Variants in ERVMER34-1 observed in about 807,000 individuals in gnomAD.
The protein encoded by ERVMER34-1 is endogenous retrovirus group MER34 member 1, envelope.
For synonymous variants in ERVMER34-1, 199 were observed against 111.7 expected, an observed-to-expected ratio of 1.78 and a Z score of -4.93; for missense variants, 471 against 295.1, an observed-to-expected ratio of 1.60 and a Z score of -4.37.
intron 2 of ERVMER34-1, among the ~76,000 whole-genome samples, chr4:52,749,881 T>C (rs7690219): frequency 0.14 from 21,917 of 152,042 alleles, 1,656 homozygotes; most frequent in East Asian, 0.2. Flanking sequence ...TGTACACTGG[T>C]GAAAGAGAAA....
At chr4:52,749,573 A>G (rs186908655) in intron 2 of ERVMER34-1, among the ~76,000 whole-genome samples, 2 of 152,176 alleles carry the variant, frequency 1.3e-5, no homozygotes, top group East Asian at 3.9e-4. Context: ...AGGCCGAGGT[A>G]GGGCAGATCA....
chr4:52,746,889 C>T (rs901006096), intron 2 of ERVMER34-1, among the ~76,000 whole-genome samples: 2 of 152,082 alleles, frequency 1.3e-5, no homozygotes, highest in Non-Finnish European at 2.9e-5. Flanking sequence ...ATGTAAATAC[C>T]TTAAAATTTT....
In ERVMER34-1 at chr4:52,751,404, G is replaced by T. The variant is rs914036920; in HGVS notation, c.-625C>A. Reference sequence around the variant, plus strand: ...CGCCAGGCCAGAAGACCAAGAAGAAGGCTCGCGGCGGGAACTGAAGTGAGC... The same window carrying T: ...CGCCAGGCCAGAAGACCAAGAAGAATGCTCGCGGCGGGAACTGAAGTGAGC... On this transcript the variant is annotated 5_prime_UTR_variant, in exon 1 of 3. Coordinates refer to ENST00000443173, the MANE Select transcript of ERVMER34-1 (RefSeq NM_001242690.2). The T allele has an allele frequency of 1.3e-5, 2 of 152,422 alleles. No individual in the cohort carries two copies. Among genetic ancestry groups the T allele is most frequent in the Non-Finnish European group, 2.9e-5 (2 of 68,314 alleles). The allele number at this position is 152,422 out of a possible 1,614,324, so 9.4% of individuals were successfully genotyped here.
rs1560435897 is a variant in ERVMER34-1 at position 52,743,811 on chromosome 4, CTGTT to C, written c.*14_*17del. ...AGCTAAGGCTTTTTGTCTGCAGCTG[CTGTT>C]TGTTCAGATATTCTCAAAGTAGACT... On this transcript the variant is annotated 3_prime_UTR_variant, in exon 3 of 3. Coordinates refer to ENST00000443173, the MANE Select transcript of ERVMER34-1 (RefSeq NM_001242690.2). The C allele has an allele frequency of 3.4e-6, 5 of 1,457,914 alleles. No individual in the cohort carries two copies. The highest frequency in any genetic ancestry group is 1.8e-4 in the Middle Eastern group (1 of 5,622). 90.3% of individuals were successfully genotyped at this position (1,457,914 alleles called of 1,614,324 possible).
Position 52,745,891 on chromosome 4 carries a change from G to A in ERVMER34-1, c.-371C>T. 1 of 188,402 alleles carries A rather than the reference G, an allele frequency of 5.3e-6. No homozygotes were observed. Among genetic ancestry groups the A allele is most frequent in the Admixed American group, 5.4e-5 (1 of 18,558 alleles). 11.7% of individuals were successfully genotyped at this position (188,402 alleles called of 1,614,324 possible). A position where few individuals can be genotyped will look rare whatever the true frequency, so the allele number is the denominator to read the frequency against. On this transcript the variant is annotated 5_prime_UTR_variant, in exon 3 of 3. Transcript: ENST00000443173. Reference sequence around the variant, plus strand: ...CTTCATAAGGTCTCTTCTTTTTCCAGGGAGGTTACAACACATCTTTTCTTC... The same window carrying A: ...CTTCATAAGGTCTCTTCTTTTTCCAAGGAGGTTACAACACATCTTTTCTTC...
rs1296134138 is a variant in ERVMER34-1 at position 52,745,482 on chromosome 4, G to C, written c.39C>G (p.Thr13=). The change falls in exon 3 of 3, where the codon ACC becomes ACG. Residue 13 remains threonine, a synonymous_variant. Coordinates refer to ENST00000443173, the MANE Select transcript of ERVMER34-1 (RefSeq NM_001242690.2). ...CTAGAATTGTCAAAAAAGCAGTAAG[G>C]GTTAGTTGAAGCAGGGCATAGTTTG... ...SLSNYALLQL[T]LTAFLTILVQ... is the part of the protein sequence containing the mutation. The C allele has an allele frequency of 1.1e-5, 8 of 704,006 alleles. No homozygotes were observed. The highest frequency in any genetic ancestry group is 5.9e-5 in the South Asian group (4 of 67,606). The allele number at this position is 704,006 out of a possible 1,614,324, so 43.6% of individuals were successfully genotyped here. A position where few individuals can be genotyped will look rare whatever the true frequency, so the allele number is the denominator to read the frequency against.
At position 52,745,083 on chromosome 4, in the gene ERVMER34-1, A is replaced by G; in HGVS notation, c.438T>C (p.Asn146=). Residue 146 remains asparagine (N), a synonymous_variant, in exon 3 of 3, where the codon AAT becomes AAC. Coordinates refer to ENST00000443173, the MANE Select transcript of ERVMER34-1 (RefSeq NM_001242690.2). ...FLGNIPKQYC[N]QILWFDSTDG... is the part of the protein sequence containing the mutation. ...CTGTAGAATCAAACCATAGTATTTG[A>G]TTACAGTATTGTTTAGGTATATTAC... is the stretch of plus-strand genomic sequence containing the variant. The G allele has an allele frequency of 4.3e-6, 3 of 704,150 alleles. No homozygotes were observed. Among genetic ancestry groups the G allele is most frequent in the Non-Finnish European group, 7.8e-6 (3 of 385,008 alleles). 43.6% of individuals were successfully genotyped at this position (704,150 alleles called of 1,614,324 possible).
At position 52,743,905 on chromosome 4, in the gene ERVMER34-1, C is replaced by T; in HGVS notation, c.1616G>A (p.Ser539Asn). The change falls in exon 3 of 3, where the codon AGT (serine) becomes AAT (asparagine). Residue 539 changes from serine to asparagine, a missense_variant. Ser to Asn is a conservative substitution (Grantham distance 46, BLOSUM62 1). Transcript: ENST00000443173. ...SPQQSAQLLV[S>N]ETSCQVSNRA... ...ATTTGAAACTTGACATGAAGTTTCA[C>T]TGACAAGGAGCTGTGCTGATTGCTG... 2 of 1,436,820 alleles carry T rather than the reference C, an allele frequency of 1.4e-6. No homozygotes were observed. The highest frequency in any genetic ancestry group is 2.5e-5 in the East Asian group (1 of 40,424). 89.0% of individuals were successfully genotyped at this position (1,436,820 alleles called of 1,614,324 possible). A position where few individuals can be genotyped will look rare whatever the true frequency, so the allele number is the denominator to read the frequency against.
At position 52,743,546 on chromosome 4, in the gene ERVMER34-1, AT is replaced by A. The variant is rs1716064540; in HGVS notation, c.*282del. ...CAGATCAATAGAAAAAACATTTATT[AT>A]ATATGCATGCAAGAACACTACAAAG... is the stretch of plus-strand genomic sequence containing the variant. On this transcript the variant is annotated 3_prime_UTR_variant, in exon 3 of 3. Transcript: ENST00000443173. The A allele has an allele frequency of 1.1e-5, 3 of 281,220 alleles. No homozygotes were observed. In the South Asian group the frequency reaches 3.9e-4, roughly 37 times the overall value. The allele number at this position is 281,220 out of a possible 1,614,324, so 17.4% of individuals were successfully genotyped here. A position where few individuals can be genotyped will look rare whatever the true frequency, so the allele number is the denominator to read the frequency against.
chr4:52,745,113 G>A lies in ERVMER34-1; in HGVS notation c.408C>T (p.Phe136=). 1.4e-6 allele frequency: 1 copy of A among 704,128 alleles called. No homozygotes were observed. The allele number at this position is 704,128 out of a possible 1,614,324, so 43.6% of individuals were successfully genotyped here. A position where few individuals can be genotyped will look rare whatever the true frequency, so the allele number is the denominator to read the frequency against. ...AGTATTGTTTAGGTATATTACCTAG[G>A]AAGGGTCCACTGCCATTTTTATTTT... ...CVENKNGSGP[F]LGNIPKQYCN... Residue 136 remains phenylalanine, a synonymous_variant, in exon 3 of 3, where the codon TTC becomes TTT. Coordinates refer to ENST00000443173, the MANE Select transcript of ERVMER34-1 (RefSeq NM_001242690.2).
Position 52,744,043 on chromosome 4 carries a change from A to C in ERVMER34-1, c.1478T>G (p.Val493Gly), listed in dbSNP as rs754520855. 124 of 706,732 alleles carry C rather than the reference A, an allele frequency of 1.8e-4. No individual in the cohort carries two copies. Among genetic ancestry groups the C allele is most frequent in the Non-Finnish European group, 4.1e-5 (16 of 387,442 alleles). The allele number at this position is 706,732 out of a possible 1,614,324, so 43.8% of individuals were successfully genotyped here. The stretch of plus-strand genomic sequence containing the variant: ...TAAGCAGAAAAGAACAATTAAAAGC[A>C]CATAGCCCCATGATCTGAACCAGTC... ...VGDWFRSWGY[V>G]LLIVLFCLFI... is the part of the protein sequence containing the mutation. The change falls in exon 3 of 3, where the codon GTG becomes GGG. Residue 493 changes from valine to glycine, a missense_variant. By Grantham distance (109) the Val-to-Gly change is moderately radical. Coordinates refer to ENST00000443173, the MANE Select transcript of ERVMER34-1 (RefSeq NM_001242690.2).
In ERVMER34-1 at chr4:52,743,773, C is replaced by T. The variant is rs1716070417; in HGVS notation, c.*56G>A. 26 of 1,430,858 alleles carry T rather than the reference C, an allele frequency of 1.8e-5. No individual in the cohort carries two copies. Among genetic ancestry groups the T allele is most frequent in the Non-Finnish European group, 2.4e-5 (26 of 1,092,712 alleles). 88.6% of individuals were successfully genotyped at this position (1,430,858 alleles called of 1,614,324 possible). A position where few individuals can be genotyped will look rare whatever the true frequency, so the allele number is the denominator to read the frequency against. ...TGAATTCTCGGTAAGACCTGCTTTA[C>T]TCATCAAAGTTTAGCTAAGGCTTTT... is the stretch of plus-strand genomic sequence containing the variant. On this transcript the variant is annotated 3_prime_UTR_variant, in exon 3 of 3. Transcript: ENST00000443173.
chr4:52,750,292 C>A (rs573867788), intron 2 of ERVMER34-1, among the ~76,000 whole-genome samples: 11 of 151,798 alleles, frequency 7.2e-5, no homozygotes, highest in Admixed American at 1.3e-4. Flanking sequence ...AGCCACTGCG[C>A]CCTACCCCCC....
At chr4:52,750,620 G>A (rs1419979132) in intron 2 of ERVMER34-1, 1 of 152,244 alleles carries the variant, frequency 6.6e-6, no homozygotes, top group Non-Finnish European at 1.5e-5. Context: ...CGATGGATTA[G>A]ACATGGGACC....
At position 52,749,123 on chromosome 4, in the gene ERVMER34-1, C is replaced by T. The variant is rs78170709; in HGVS notation, c.-424+1807G>A. Among the ~76,000 whole-genome samples the T allele has an allele frequency of 7.3e-3, 1,110 of 152,268 alleles. 4 individuals carry two copies. The highest frequency in any genetic ancestry group is 0.027 in the Middle Eastern group (8 of 294). ...TCAAGTGATCCTCTCATCTTGGCAT[C>T]CCAAAGTGCTAGTATTATAGGTGTG... On this transcript the variant is annotated intron_variant, in intron 2 of 2. Transcript: ENST00000443173.
intron 2 of ERVMER34-1, among the ~76,000 whole-genome samples, chr4:52,746,906 A>G (rs1000922575): frequency 8.5e-5 from 13 of 152,102 alleles, no homozygotes; most frequent in Non-Finnish European, 1.9e-4. Context: ...TTTTCTGTAT[A>G]CTAATTATGT....
chr4:52,745,532 A>C lies in ERVMER34-1; in HGVS notation c.-12T>G. On this transcript the variant is annotated 5_prime_UTR_variant, in exon 3 of 3. Coordinates refer to ENST00000443173, the MANE Select transcript of ERVMER34-1 (RefSeq NM_001242690.2). ...GAAAGGGAGCCCATAGTGGAGGAAC[A>C]GGCTAGATTAAAACAAGCAAACTCC... The C allele has an allele frequency of 1.4e-6, 1 of 697,676 alleles. No homozygotes were observed. Among genetic ancestry groups the C allele is most frequent in the Non-Finnish European group, 2.6e-6 (1 of 380,558 alleles). 43.2% of individuals were successfully genotyped at this position (697,676 alleles called of 1,614,324 possible).
chr4:52,747,978 A>G (rs1168057026), intron 2 of ERVMER34-1, among the ~76,000 whole-genome samples: 2 of 152,218 alleles, frequency 1.3e-5, no homozygotes, highest in Admixed American at 1.3e-4. Context: ...TGGAGGTTGC[A>G]GTGAGCTGAG....
rs1170633277 is a variant in ERVMER34-1, at chr4:52,745,295, TC to T, written c.225del (p.Trp75Ter). On this transcript the variant is annotated frameshift_variant, in exon 3 of 3. Coordinates refer to ENST00000443173, the MANE Select transcript of ERVMER34-1 (RefSeq NM_001242690.2). LOFTEE classifies it low-confidence loss of function (END_TRUNC). The stretch of plus-strand genomic sequence containing the variant: ...TGTGGATACCACACCCTTTCATACA[TC>T]CATTGTCCAGAATAGGTCCACCAGG... ...ASTWWTYSGQ[W>X]MYERVWYPQA... 7.1e-6 allele frequency: 5 copies of T among 703,826 alleles called. No individual in the cohort carries two copies. In the African/African-American group the frequency reaches 8.7e-5, roughly 12 times the overall value. 43.6% of individuals were successfully genotyped at this position (703,826 alleles called of 1,614,324 possible). A position where few individuals can be genotyped will look rare whatever the true frequency, so the allele number is the denominator to read the frequency against.
Sources: gnomAD v4.1 joint callset for allele counts (sites outside exome capture counted in the v4.1 genomes callset) on GRCh38, gnomAD v4.1.1 for gene constraint, MANE v1.5 for transcripts, NCBI Gene and HGNC (gene_info 2026-07-23, HGNC 2026-07-21) for gene names.